Variants in ROBO2 observed in about 807,000 individuals in gnomAD.
ROBO2 encodes the protein roundabout homolog 2.
Under a neutral mutation model 160.8 loss-of-function variants are expected in ROBO2, and 53 were observed. That is an observed-to-expected ratio of 0.33 (90% CI 0.26 to 0.41). ROBO2 has a LOEUF of 0.41. ROBO2 is among the 10% of genes least tolerant of loss of function. ROBO2 has a pLI of 1.00. For missense variants in ROBO2, 1,577 were observed against 1,722.4 expected (o/e 0.92, Z 1.49); for synonymous variants, 664 against 611.7 (o/e 1.09, Z -1.26).
At chr3:76,272,650 G>A (rs1007392591) in intron 2 of ROBO2, among the ~76,000 whole-genome samples, 17 of 83,088 alleles carry the variant, frequency 2.0e-4, no homozygotes, top group East Asian at 3.1e-4. Flanking sequence ...GCGAAAGAGC[G>A]AGACCCTGTC....
intron 2 of ROBO2, among the ~76,000 whole-genome samples, chr3:76,517,432 G>A (rs915065681): frequency 6.6e-6 from 1 of 152,130 alleles, no homozygotes; most frequent in African/African-American, 2.4e-5. Flanking sequence ...CTAATAGGTC[G>A]ATATTTTTCT....
chr3:75,930,687 C>T (rs1007060474), intron 1 of ROBO2, among the ~76,000 whole-genome samples: 1 of 152,206 alleles, frequency 6.6e-6, no homozygotes, highest in African/African-American at 2.4e-5. Flanking sequence ...CGGTTTCCCA[C>T]ATGTCAGTAA....
chr3:76,286,990 T>G (rs1258414782), intron 2 of ROBO2, among the ~76,000 whole-genome samples: 1 of 152,174 alleles, frequency 6.6e-6, no homozygotes, highest in African/African-American at 2.4e-5. Flanking sequence ...GTGTTCCAAA[T>G]GGACATTACT....
intron 2 of ROBO2, among the ~76,000 whole-genome samples, chr3:76,890,333 C>T (rs2074252372): frequency 6.6e-6 from 1 of 152,178 alleles, no homozygotes; most frequent in South Asian, 2.1e-4. Context: ...TAGTAAATTA[C>T]ACAGTGAAGA....
intron 2 of ROBO2, among the ~76,000 whole-genome samples, chr3:76,508,175 G>A (rs1409943000): frequency 6.6e-6 from 1 of 152,008 alleles, no homozygotes; most frequent in East Asian, 1.9e-4. Context: ...GTTAATTTTA[G>A]TTACTTCTGA....
At chr3:76,959,682 C>T (rs2079514556) in intron 2 of ROBO2, among the ~76,000 whole-genome samples, 1 of 152,066 alleles carries the variant, frequency 6.6e-6, no homozygotes. Context: ...TTTATGTATA[C>T]ATTTGTTACT....
At chr3:77,374,239 TAC>T (rs1482922480) in intron 2 of ROBO2, among the ~76,000 whole-genome samples, 3 of 116,618 alleles carry the variant, frequency 2.6e-5, no homozygotes, top group Non-Finnish European at 5.2e-5. Context: ...ACAACCTGAA[TAC>T]AGTCTTTAAA....
chr3:76,857,045 G>C (rs970096056), intron 2 of ROBO2, among the ~76,000 whole-genome samples: 1 of 152,116 alleles, frequency 6.6e-6, no homozygotes, highest in South Asian at 2.1e-4. Flanking sequence ...GAGTGCAGTG[G>C]TGTGATCTCG....
chr3:77,195,963 C>T (rs1216102544), intron 2 of ROBO2, among the ~76,000 whole-genome samples: 1 of 152,206 alleles, frequency 6.6e-6, no homozygotes, highest in African/African-American at 2.4e-5. Context: ...AGGCTGACGA[C>T]ACATTTTTCA....
chr3:77,368,499 A>T lies in ROBO2; in HGVS notation c.389-108915A>T, dbSNP rs1022895351. 1.2e-4 allele frequency among the ~76,000 whole-genome samples: 19 copies of T among 152,176 alleles called. 1 individual carries two copies. Among genetic ancestry groups the T allele is most frequent in the Non-Finnish European group, 5.9e-5 (4 of 68,030 alleles). On this transcript the variant is annotated intron_variant, in intron 2 of 25. Coordinates refer to ENST00000461745, the Ensembl canonical transcript of ROBO2. ...CATTGGTGGTTTAGCAACTGTGTAG[A>T]ATTTCAAGGATTATGTCCTCATTAG...
intron 2 of ROBO2, among the ~76,000 whole-genome samples, chr3:76,965,513 T>G (rs781584937): frequency 1.3e-5 from 2 of 152,124 alleles, no homozygotes; most frequent in Non-Finnish European, 2.9e-5. Context: ...GAAGGGAAAT[T>G]GCGTGTACCT....
chr3:77,300,768 T>C (rs1007099211), intron 2 of ROBO2, among the ~76,000 whole-genome samples: 2 of 152,106 alleles, frequency 1.3e-5, no homozygotes, highest in Non-Finnish European at 2.9e-5. Context: ...AGAATTTCTT[T>C]ACAGGAGACA....
At chr3:76,494,345 C>A (rs1331945206) in intron 2 of ROBO2, among the ~76,000 whole-genome samples, 1 of 152,166 alleles carries the variant, frequency 6.6e-6, no homozygotes, top group Non-Finnish European at 1.5e-5. Context: ...TTACTTAATA[C>A]ACGTTTTACA....
intron 1 of ROBO2, among the ~76,000 whole-genome samples, chr3:75,921,546 A>G (rs1947052816): frequency 6.6e-6 from 1 of 152,116 alleles, no homozygotes; most frequent in East Asian, 1.9e-4. Flanking sequence ...ATGAAAAAAT[A>G]TGCTATAGAA....
intron 2 of ROBO2, among the ~76,000 whole-genome samples, chr3:76,781,822 A>C (rs892348128): frequency 1.3e-5 from 2 of 150,772 alleles, no homozygotes; most frequent in South Asian, 4.1e-4. Context: ...GCATCTATGT[A>C]CTTTTCTTGT....
At chr3:76,288,214 CTAAT>C (rs1215065719) in intron 2 of ROBO2, among the ~76,000 whole-genome samples, 1 of 152,054 alleles carries the variant, frequency 6.6e-6, no homozygotes, top group African/African-American at 2.4e-5. Context: ...TGTCAGTAGA[CTAAT>C]TAAAATAGGA....
chr3:75,914,069 T>C (rs1309021047), intron 1 of ROBO2, among the ~76,000 whole-genome samples: 1 of 152,206 alleles, frequency 6.6e-6, no homozygotes, highest in Non-Finnish European at 1.5e-5. Context: ...TTCAAATTAA[T>C]TTAATGCAAA....
intron 1 of ROBO2, among the ~76,000 whole-genome samples, chr3:77,057,120 A>G (rs2065829481): frequency 6.6e-6 from 1 of 152,204 alleles, no homozygotes; most frequent in East Asian, 1.9e-4. Context: ...ACCATGGAAT[A>G]CTATGCAGCC....
chr3:77,317,806 TG>T (rs1411239117), intron 2 of ROBO2, among the ~76,000 whole-genome samples: 1 of 13,314 alleles, frequency 7.5e-5, no homozygotes, highest in Non-Finnish European at 1.2e-4. Flanking sequence ...GGGGGGCTGC[TG>T]GGGGGGCTGC....
Sources: gnomAD v4.1 joint callset for allele counts (sites outside exome capture counted in the v4.1 genomes callset) on GRCh38, gnomAD v4.1.1 for gene constraint, MANE v1.5 for transcripts, NCBI Gene and HGNC (gene_info 2026-07-23, HGNC 2026-07-21) for gene names.